Variants in ZDHHC3 observed in about 807,000 individuals in gnomAD.
ZDHHC3 encodes the protein palmitoyltransferase ZDHHC3.
Under a neutral mutation model 30.6 loss-of-function variants are expected in ZDHHC3, and 9 were observed. The ratio of observed to expected loss-of-function variants is 0.29; its 90% CI spans 0.18 to 0.51. The LOEUF is 0.51. Ranked by LOEUF, ZDHHC3 falls within the 20% of genes least tolerant of loss-of-function variation. The pLI is 0.97. For missense variants in ZDHHC3, 246 were observed against 384.2 expected (o/e 0.64, Z 3.01); for synonymous variants, 136 against 140.2 (o/e 0.97, Z 0.21).
In ZDHHC3 at chr3:44,919,999, T is replaced by C. The variant is rs1700480526; in HGVS notation, c.*6690A>G. 6 of 1,149,464 alleles carry C rather than the reference T, an allele frequency of 5.2e-6. No individual in the cohort carries two copies. Among genetic ancestry groups the C allele is most frequent in the Non-Finnish European group, 6.5e-6 (6 of 918,310 alleles). 71.2% of individuals were successfully genotyped at this position (1,149,464 alleles called of 1,614,324 possible). On this transcript the variant is annotated 3_prime_UTR_variant, in exon 7 of 7. Coordinates refer to ENST00000424952, the MANE Select transcript of ZDHHC3 (RefSeq NM_001135179.2). The stretch of plus-strand genomic sequence containing the variant: ...TATGCAGCTAGAAAAGATGGTTTAA[T>C]ATGGTTTTACATGACATTAGAACAT...
At position 44,918,200 on chromosome 3, in the gene ZDHHC3, A is replaced by G. The variant is rs1056043847; in HGVS notation, c.*8489T>C. 7.9e-7 allele frequency: 1 copy of G among 1,258,010 alleles called. No homozygotes were observed. Among genetic ancestry groups the G allele is most frequent in the Non-Finnish European group, 1.0e-6 (1 of 963,664 alleles). The allele number at this position is 1,258,010 out of a possible 1,614,324, so 77.9% of individuals were successfully genotyped here. ...AGCGTGGTGCTGGGCTGTACAGCTCACATAGACACCCCCAGCTATAGCATA... is the reference window on the plus strand; with the variant it reads ...AGCGTGGTGCTGGGCTGTACAGCTCGCATAGACACCCCCAGCTATAGCATA... On this transcript the variant is annotated 3_prime_UTR_variant, in exon 7 of 7. Coordinates refer to ENST00000424952, the MANE Select transcript of ZDHHC3 (RefSeq NM_001135179.2).
At chr3:44,940,309 G>A (rs1429699182) in intron 3 of ZDHHC3, among the ~76,000 whole-genome samples, 1 of 152,088 alleles carries the variant, frequency 6.6e-6, no homozygotes, top group Non-Finnish European at 1.5e-5. Flanking sequence ...CAAGGCCAAG[G>A]AAGGCTCACA....
At chr3:44,956,458 C>G (rs1317445976) in intron 2 of ZDHHC3, among the ~76,000 whole-genome samples, 1 of 152,216 alleles carries the variant, frequency 6.6e-6, no homozygotes, top group Non-Finnish European at 1.5e-5. Flanking sequence ...TCTCCAATCT[C>G]TCTCCATTCT....
At chr3:44,945,070 T>G in intron 3 of ZDHHC3, 98 bp downstream of exon 3, 2 of 1,544,344 alleles carry the variant, frequency 1.3e-6, no homozygotes, top group Non-Finnish European at 1.8e-6. Context: ...TTGGCCCCTG[T>G]TGGGGAAGTG....
intron 3 of ZDHHC3, among the ~76,000 whole-genome samples, chr3:44,944,844 T>C (rs779309379): frequency 1.3e-5 from 2 of 152,160 alleles, no homozygotes; most frequent in Non-Finnish European, 2.9e-5. Context: ...AGCTGTGAGG[T>C]AGGAAAAGCA....
At chr3:44,932,945 A>T in intron 5 of ZDHHC3, 173 bp downstream of exon 5, 1 of 1,614,110 alleles carries the variant, frequency 6.2e-7, no homozygotes, top group South Asian at 1.1e-5. Context: ...TTTTTCATGA[A>T]GAGAGATTCC....
rs551117585 is a variant in ZDHHC3 at position 44,916,840 on chromosome 3, G to C, written c.*9849C>G. 1 of 152,270 alleles carries C rather than the reference G, an allele frequency of 6.6e-6. No homozygotes were observed. The highest frequency in any genetic ancestry group is 2.1e-4 in the South Asian group (1 of 4,828). The allele number at this position is 152,270 out of a possible 1,614,324, so 9.4% of individuals were successfully genotyped here. On this transcript the variant is annotated 3_prime_UTR_variant, in exon 7 of 7. Transcript: ENST00000424952. ...TCATCCTGGTGGGGTGTGTGTGTGT[G>C]TGTGTGTGTTTGTCTATCTTCCTGA...
chr3:44,968,405 T>C (rs1407861812), intron 1 of ZDHHC3, among the ~76,000 whole-genome samples: 2 of 152,194 alleles, frequency 1.3e-5, no homozygotes, highest in Non-Finnish European at 2.9e-5. Context: ...ATACCTATTC[T>C]TTAAAAACAA....
intron 1 of ZDHHC3, among the ~76,000 whole-genome samples, chr3:44,964,018 A>G (rs1045522261): frequency 6.6e-6 from 1 of 152,144 alleles, no homozygotes; most frequent in African/African-American, 2.4e-5. Flanking sequence ...TCCCAACCTA[A>G]TAACACTAGT....
Position 44,959,821 on chromosome 3 carries a change from G to A in ZDHHC3, c.-24-361C>T, listed in dbSNP as rs1274791156. 2.6e-5 allele frequency among the ~76,000 whole-genome samples: 4 copies of A among 152,144 alleles called. No homozygotes were observed. The highest frequency in any genetic ancestry group is 6.6e-5 in the Admixed American group (1 of 15,266). On this transcript the variant is annotated intron_variant, in intron 1 of 6. Coordinates refer to ENST00000424952, the MANE Select transcript of ZDHHC3 (RefSeq NM_001135179.2). This position sits in a 1 kb window ranked among gnomAD's most constrained non-coding sequence, Gnocchi z 4.3. ...ATTCAGGCTGGAGTGCAGTGGCACCGTCTTAGGTCAATGCAGCCTCGACCT... is the reference window on the plus strand; with the variant it reads ...ATTCAGGCTGGAGTGCAGTGGCACCATCTTAGGTCAATGCAGCCTCGACCT...
chr3:44,938,975 T>C (rs961953756), intron 3 of ZDHHC3, among the ~76,000 whole-genome samples: 2 of 152,206 alleles, frequency 1.3e-5, no homozygotes, highest in Non-Finnish European at 2.9e-5. Flanking sequence ...TTCCCTTCTG[T>C]ACAAAATAAG....
At chr3:44,936,713 C>T (rs1021687224) in intron 3 of ZDHHC3, among the ~76,000 whole-genome samples, 1 of 152,138 alleles carries the variant, frequency 6.6e-6, no homozygotes, top group Non-Finnish European at 1.5e-5. Flanking sequence ...TGGGGTCTAC[C>T]TGAAGGTGGA....
chr3:44,950,671 T>C (rs1703367840), intron 2 of ZDHHC3, among the ~76,000 whole-genome samples: 1 of 152,372 alleles, frequency 6.6e-6, no homozygotes, highest in South Asian at 2.1e-4. Flanking sequence ...GTCTGATGCA[T>C]ACACTTTCCA....
In ZDHHC3 at chr3:44,918,591, C is replaced by A; in HGVS notation, c.*8098G>T. The A allele has an allele frequency of 1.0e-6, 1 of 985,450 alleles. No homozygotes were observed. The highest frequency in any genetic ancestry group is 1.2e-6 in the Non-Finnish European group (1 of 829,942). The allele number at this position is 985,450 out of a possible 1,614,324, so 61.0% of individuals were successfully genotyped here. ...CCAGGGTAGATAGGGGCTGCAAACA[C>A]AGCAGAAGGACGATGGGGTTAAGGA... On this transcript the variant is annotated 3_prime_UTR_variant, in exon 7 of 7. Transcript: ENST00000424952.
chr3:44,932,954 C>T (rs773762640), intron 5 of ZDHHC3, 164 bp downstream of exon 5: 3 of 1,614,010 alleles, frequency 1.9e-6, no homozygotes, highest in Admixed American at 3.3e-5. Flanking sequence ...AAGAGAGATT[C>T]CAGTCTCTGC....
In ZDHHC3 at chr3:44,917,719, C is replaced by T; in HGVS notation, c.*8970G>A. 2 of 710,410 alleles carry T rather than the reference C, an allele frequency of 2.8e-6. No homozygotes were observed. Among genetic ancestry groups the T allele is most frequent in the Non-Finnish European group, 4.0e-6 (2 of 501,112 alleles). The allele number at this position is 710,410 out of a possible 1,614,324, so 44.0% of individuals were successfully genotyped here. A position where few individuals can be genotyped will look rare whatever the true frequency, so the allele number is the denominator to read the frequency against. On this transcript the variant is annotated 3_prime_UTR_variant, in exon 7 of 7. Transcript: ENST00000424952. ...ATGTCCCCAGCCTACTCCCGACCCC[C>T]AGACCTGGCCCAACATGGAGAGAAG... is the stretch of plus-strand genomic sequence containing the variant.
At chr3:44,933,340 G>T in intron 4 of ZDHHC3, 141 bp from the exon 5 acceptor site, 2 of 725,714 alleles carry the variant, frequency 2.8e-6, no homozygotes, top group Non-Finnish European at 2.4e-6. Flanking sequence ...CAGAGGGCCA[G>T]CTAGCGATTC....
Position 44,924,052 on chromosome 3 carries a change from T to C in ZDHHC3, c.*2637A>G. 1 of 985,416 alleles carries C rather than the reference T, an allele frequency of 1.0e-6. No individual in the cohort carries two copies. The highest frequency in any genetic ancestry group is 1.2e-6 in the Non-Finnish European group (1 of 829,934). 61.0% of individuals were successfully genotyped at this position (985,416 alleles called of 1,614,324 possible). A position where few individuals can be genotyped will look rare whatever the true frequency, so the allele number is the denominator to read the frequency against. On this transcript the variant is annotated 3_prime_UTR_variant, in exon 7 of 7. Coordinates refer to ENST00000424952, the MANE Select transcript of ZDHHC3 (RefSeq NM_001135179.2). ...GATCACAATCCAACAAGCCACATCT[T>C]TATTTTTCACTTCCACTCCCCAGAG... is the stretch of plus-strand genomic sequence containing the variant.
Position 44,916,967 on chromosome 3 carries a change from AG to A in ZDHHC3, c.*9721del, listed in dbSNP as rs1033817464. The A allele has an allele frequency of 1.6e-4, 24 of 152,226 alleles. No individual in the cohort carries two copies. Among genetic ancestry groups the A allele is most frequent in the African/African-American group, 5.5e-4 (23 of 41,460 alleles). The allele number at this position is 152,226 out of a possible 1,614,324, so 9.4% of individuals were successfully genotyped here. On this transcript the variant is annotated 3_prime_UTR_variant, in exon 7 of 7. Transcript: ENST00000424952. ...AACTGGCCTTTTCAAACACACAGGC[AG>A]GGTTTATGGTCAGTTCTACCTACAT...
Sources: gnomAD v4.1 joint callset for allele counts (sites outside exome capture counted in the v4.1 genomes callset) on GRCh38, gnomAD v4.1.1 for gene constraint, Gnocchi (gnomAD v3.1) non-coding constraint, MANE v1.5 for transcripts, NCBI Gene and HGNC (gene_info 2026-07-23, HGNC 2026-07-21) for gene names.